COPZ2: variants seen among roughly 807,000 people sequenced by gnomAD.
COPZ2 encodes coat protein complex I subunit zeta 2.
Under a neutral mutation model 33.2 loss-of-function variants are expected in COPZ2, and 30 were observed. The observed-to-expected ratio is 0.90, with a 90% CI of 0.68 to 1.23. The LOEUF (loss-of-function observed/expected upper bound fraction) is 1.23, where lower values mean the gene tolerates loss of function less well. Among genes scored for constraint, COPZ2 ranks in the 50% most tolerant of loss-of-function variants. COPZ2 has a pLI of 0.00. For missense variants in COPZ2, 263 were observed against 262.4 expected (o/e 1.00, Z -0.02); for synonymous variants, 89 against 102.6 (o/e 0.87, Z 0.80).
At chr17:48,043,371 GCTGT>G in the COPZ2 span, among the ~76,000 whole-genome samples, 904 of 152,268 alleles carry the variant, frequency 5.9e-3, 6 homozygotes, top group African/African-American at 0.02. Context: ...ACATTTCTGT[GCTGT>G]CTGTCCTAGG....
chr17:48,026,743 G>A (rs1193614407), intron 8 of COPZ2, among the ~76,000 whole-genome samples: 2 of 152,364 alleles, frequency 1.3e-5, no homozygotes, highest in East Asian at 3.9e-4. Flanking sequence ...TGTGGCAGCA[G>A]CCTGTCTCCC....
intron 6 of COPZ2, among the ~76,000 whole-genome samples, chr17:48,030,289 AACAC>A (rs71935471): frequency 0.24 from 30,494 of 128,246 alleles, 3,516 homozygotes; most frequent in African/African-American, 0.34. Context: ...TCCATCTCAA[AACAC>A]ACACACACAC....
chr17:48,039,156 A>T (rs1050269512), upstream of COPZ2, among the ~76,000 whole-genome samples: 2 of 151,258 alleles, frequency 1.3e-5, no homozygotes, highest in African/African-American at 4.9e-5. Flanking sequence ...TTATTTTTTT[A>T]TTTTTTTTAT....
chr17:48,029,607 T>G (rs1359388086), intron 6 of COPZ2, among the ~76,000 whole-genome samples: 6 of 151,968 alleles, frequency 3.9e-5, no homozygotes, highest in Non-Finnish European at 5.9e-5. Context: ...CATGGGGTCA[T>G]GCCCTGCATA....
At chr17:48,029,251 C>A (rs2036858061) in intron 6 of COPZ2, 75 bp from the exon 7 acceptor site, 2 of 1,378,822 alleles carry the variant, frequency 1.5e-6, no homozygotes, top group East Asian at 2.5e-5. Context: ...CCTTGCCAAG[C>A]CTCTTCCCTC....
intron 2 of COPZ2, among the ~76,000 whole-genome samples, chr17:48,034,555 A>G (rs1386276780): frequency 6.6e-6 from 1 of 152,214 alleles, no homozygotes; most frequent in Non-Finnish European, 1.5e-5. Context: ...ACGAGGGCAC[A>G]CTAATTCTAC....
chr17:48,039,156 A>AT (rs1010795991), upstream of COPZ2, among the ~76,000 whole-genome samples: 13 of 151,258 alleles, frequency 8.6e-5, no homozygotes, highest in East Asian at 1.2e-3. Flanking sequence ...TTATTTTTTT[A>AT]TTTTTTTTAT....
chr17:48,026,486 G>A lies in COPZ2; in HGVS notation c.586-11C>T. The A allele has an allele frequency of 6.2e-7, 1 of 1,601,198 alleles. No homozygotes were observed. The highest frequency in any genetic ancestry group is 8.6e-7 in the Non-Finnish European group (1 of 1,168,592). The stretch of plus-strand genomic sequence containing the variant: ...GGCAGACTGAAGAACCTGGGGTGGG[G>A]TGGGGGAGGTTGAGAGAGAATTGAG... On this transcript the variant is annotated splice_polypyrimidine_tract_variant and intron_variant, in intron 8 of 8. Transcript: ENST00000621465.
At chr17:48,043,061 C>G in the COPZ2 span, among the ~76,000 whole-genome samples, 2 of 152,238 alleles carry the variant, frequency 1.3e-5, no homozygotes, top group Admixed American at 6.5e-5. Flanking sequence ...GAAGCATGCA[C>G]GTGCAGCAGC....
intron 6 of COPZ2, among the ~76,000 whole-genome samples, chr17:48,030,101 T>C (rs558873179): frequency 6.6e-6 from 1 of 151,996 alleles, no homozygotes; most frequent in South Asian, 2.1e-4. Context: ...CTGGCCAATA[T>C]GGTGAAACCC....
At chr17:48,035,737 C>G in intron 2 of COPZ2, among the ~76,000 whole-genome samples, 1 of 148,394 alleles carries the variant, frequency 6.7e-6, no homozygotes, top group Non-Finnish European at 1.5e-5. Flanking sequence ...CAACACATTT[C>G]TTTTCTTTTT....
rs1207866173 is a variant in COPZ2, at chr17:48,026,488, G to T, written c.586-13C>A. 5 of 1,598,674 alleles carry T rather than the reference G, an allele frequency of 3.1e-6. No homozygotes were observed. The highest frequency in any genetic ancestry group is 1.1e-5 in the South Asian group (1 of 90,762). On this transcript the variant is annotated splice_polypyrimidine_tract_variant and intron_variant, in intron 8 of 8. Coordinates refer to ENST00000621465, the MANE Select transcript of COPZ2 (RefSeq NM_016429.4). ...CAGACTGAAGAACCTGGGGTGGGGT[G>T]GGGGAGGTTGAGAGAGAATTGAGAA...
In COPZ2 at chr17:48,028,273, C is replaced by A. The variant is rs2036843550; in HGVS notation, c.585+199G>T. ...TGCCCATCCATCCATTAGTACCCAG[C>A]TCCCCTGAGTTGGAGAGCCCGGAGG... On this transcript the variant is annotated intron_variant, in intron 8 of 8. Coordinates refer to ENST00000621465, the MANE Select transcript of COPZ2 (RefSeq NM_016429.4). This position sits in a 1 kb window ranked among gnomAD's most constrained non-coding sequence, Gnocchi z 4.5. Among the ~76,000 whole-genome samples the A allele has an allele frequency of 6.6e-6, 1 of 152,186 alleles. No individual in the cohort carries two copies. The highest frequency in any genetic ancestry group is 2.1e-4 in the South Asian group (1 of 4,834).
intron 8 of COPZ2, 135 bp from the exon 9 acceptor site, chr17:48,026,610 T>A: frequency 1.5e-6 from 1 of 651,826 alleles, no homozygotes; most frequent in Admixed American, 2.5e-5. Flanking sequence ...GCAGCTTGTC[T>A]CCACTTGGCT....
chr17:48,040,163 C>T (rs2037048493), upstream of COPZ2, among the ~76,000 whole-genome samples: 1 of 141,012 alleles, frequency 7.1e-6, no homozygotes, highest in African/African-American at 2.6e-5. Flanking sequence ...CAAACAACTC[C>T]CAGGATCAAG....
upstream of COPZ2, among the ~76,000 whole-genome samples, chr17:48,041,790 ATTTCTGTGAGCTAGTCCAT>A (rs1409461887): frequency 7.5e-5 from 11 of 146,370 alleles, no homozygotes; most frequent in Non-Finnish European, 1.2e-4. Context: ...ATGTCTTAAT[ATTTCTGTGAGCTAGTCCAT>A]TTTTTTTTTT....
chr17:48,034,708 C>G (rs2036951557), intron 2 of COPZ2, among the ~76,000 whole-genome samples: 3 of 152,106 alleles, frequency 2.0e-5, no homozygotes, highest in Admixed American at 2.0e-4. Context: ...AATGGCCTGG[C>G]ATGGTGGCTC....
chr17:48,041,233 A>G (rs77140348), upstream of COPZ2, among the ~76,000 whole-genome samples: 2,757 of 152,066 alleles, frequency 0.018, 38 homozygotes, highest in Non-Finnish European at 0.029. Context: ...ATATTTTTCT[A>G]GCCACTGGGA....
chr17:48,032,064 G>A, intron 6 of COPZ2, 92 bp downstream of exon 6: 1 of 992,640 alleles, frequency 1.0e-6, no homozygotes. Context: ...GTGAGAAGTT[G>A]GTCAGAGTTC....
Sources: allele counts gnomAD v4.1 joint callset (sites outside exome capture counted in the v4.1 genomes callset), GRCh38; gene constraint gnomAD v4.1.1; non-coding constraint Gnocchi (gnomAD v3.1); transcripts MANE v1.5; gene names NCBI Gene and HGNC (gene_info 2026-07-23, HGNC 2026-07-21).